KLF12: variants seen among roughly 807,000 people sequenced by gnomAD.
KLF12 encodes the protein KLF transcription factor 12.
KLF12 carries 9 observed loss-of-function variants against 37.8 expected under a neutral mutation model. The ratio of observed to expected loss-of-function variants is 0.24; its 90% confidence interval spans 0.14 to 0.42. The LOEUF (loss-of-function observed/expected upper bound fraction) is 0.42. Ranked by LOEUF, KLF12 falls within the 10% of genes least tolerant of loss-of-function variation. The probability of loss-of-function intolerance (pLI) is 1.00; values close to 1 mark genes in which losing one functional copy is unlikely to be tolerated. For missense variants in KLF12, 411 were observed against 516.0 expected, an observed-to-expected ratio of 0.80 and a Z score of 1.97; for synonymous variants, 208 against 202.1, an observed-to-expected ratio of 1.03 and a Z score of -0.25.
intron 7 of KLF12, among the ~76,000 whole-genome samples, chr13:73,704,085 C>G (rs1593979712): frequency 6.6e-6 from 1 of 152,100 alleles, no homozygotes; most frequent in Non-Finnish European, 1.5e-5. Context: ...TTACTTTTTC[C>G]TTGGTTTCTT....
intron 1 of KLF12, among the ~76,000 whole-genome samples, chr13:74,056,296 G>T (rs1448080821): frequency 6.6e-6 from 1 of 152,176 alleles, no homozygotes; most frequent in Non-Finnish European, 1.5e-5. Flanking sequence ...CAACATACAT[G>T]TAACCCAAAT....
At chr13:74,178,853 T>C in the KLF12 span, among the ~76,000 whole-genome samples, 1 of 152,172 alleles carries the variant, frequency 6.6e-6, no homozygotes, top group Non-Finnish European at 1.5e-5. Flanking sequence ...CTAGTAACCC[T>C]CTGGAAATAC....
rs1268510536 is a variant in KLF12 at position 74,045,751 on chromosome 13, C to A, written c.-31-50698G>T. On this transcript the variant is annotated intron_variant, in intron 1 of 7. Transcript: ENST00000377669. Reference sequence around the variant, plus strand: ...CGAGCTCCCACACTCCAAAGCTGTGCCCATTAGGGAAGCTGGCATGTCTGC... The same window carrying A: ...CGAGCTCCCACACTCCAAAGCTGTGACCATTAGGGAAGCTGGCATGTCTGC... Among the ~76,000 whole-genome samples, 6 of 152,236 alleles carry A rather than the reference C, an allele frequency of 3.9e-5. No homozygotes were observed. In the East Asian group the frequency reaches 9.7e-4, roughly 25 times the overall value.
chr13:74,077,824 T>C (rs1250952900), intron 1 of KLF12, among the ~76,000 whole-genome samples: 11 of 152,224 alleles, frequency 7.2e-5, no homozygotes, highest in Admixed American at 7.2e-4. Context: ...TCTGCCCAAT[T>C]TTCCTTGTAG....
the KLF12 span, among the ~76,000 whole-genome samples, chr13:74,301,854 C>A: frequency 1.3e-5 from 2 of 152,208 alleles, no homozygotes; most frequent in East Asian, 3.9e-4. Context: ...TTCATTTGTT[C>A]CCCCTACCTG....
chr13:73,966,327 T>C (rs1468987814), intron 2 of KLF12, among the ~76,000 whole-genome samples: 1 of 152,004 alleles, frequency 6.6e-6, no homozygotes, highest in Admixed American at 6.5e-5. Context: ...CTCTGTTTTC[T>C]GATGTTTCTC....
chr13:73,760,368 T>G (rs1879470089), intron 6 of KLF12, among the ~76,000 whole-genome samples: 1 of 152,180 alleles, frequency 6.6e-6, no homozygotes, highest in Non-Finnish European at 1.5e-5. Flanking sequence ...TTGCCCAGGC[T>G]GGAATGAGGT....
intron 1 of KLF12, among the ~76,000 whole-genome samples, chr13:74,106,053 T>G (rs1876633558): frequency 6.6e-6 from 1 of 152,138 alleles, no homozygotes; most frequent in Non-Finnish European, 1.5e-5. Context: ...TATACCACAT[T>G]AAGTGGGAAT....
intron 3 of KLF12, among the ~76,000 whole-genome samples, chr13:73,930,212 T>C (rs1030886369): frequency 2.0e-5 from 3 of 152,222 alleles, no homozygotes; most frequent in African/African-American, 7.2e-5. Flanking sequence ...AACTTGAATT[T>C]TTTCCCCACC....
chr13:74,174,258 A>G, the KLF12 span, among the ~76,000 whole-genome samples: 1 of 151,648 alleles, frequency 6.6e-6, no homozygotes, highest in South Asian at 2.1e-4. Context: ...GCTCAAATTT[A>G]TCTGCTGCTG....
chr13:73,696,228 T>C (rs141093984), intron 7 of KLF12, among the ~76,000 whole-genome samples: 159 of 152,282 alleles, frequency 1.0e-3, no homozygotes, highest in African/African-American at 3.4e-3. Flanking sequence ...TAGATATCTA[T>C]TTTTTGCTTG....
chr13:73,936,086 T>C (rs974761520), intron 3 of KLF12, among the ~76,000 whole-genome samples: 3 of 151,924 alleles, frequency 2.0e-5, no homozygotes, highest in African/African-American at 7.2e-5. Context: ...TATTTGTCAT[T>C]TCTGGATGTG....
intron 7 of KLF12, among the ~76,000 whole-genome samples, chr13:73,707,088 G>A (rs1394453104): frequency 2.0e-5 from 3 of 152,132 alleles, no homozygotes; most frequent in African/African-American, 4.8e-5. Context: ...ATAGGAGCAC[G>A]GTTCCAGTGA....
chr13:73,848,412 T>C (rs1885141777), intron 3 of KLF12, among the ~76,000 whole-genome samples: 1 of 151,962 alleles, frequency 6.6e-6, no homozygotes, highest in African/African-American at 2.4e-5. Context: ...ATTATCTTTG[T>C]TTATCACACA....
Position 73,953,481 on chromosome 13 carries a change from T to C in KLF12, c.34-9411A>G, listed in dbSNP as rs1461099012. Among the ~76,000 whole-genome samples, 3 of 152,212 alleles carry C rather than the reference T, an allele frequency of 2.0e-5. No homozygotes were observed. The South Asian group carries it at 6.2e-4, about 31-fold the overall frequency. ...TGAGTACTGTACATTAACATATTCA[T>C]TGGTCATTTCCCTTTATGAAAAGTT... On this transcript the variant is annotated intron_variant, in intron 2 of 7. Transcript: ENST00000377669.
intron 1 of KLF12, among the ~76,000 whole-genome samples, chr13:74,094,060 T>A (rs981812604): frequency 5.9e-5 from 9 of 152,086 alleles, no homozygotes; most frequent in Non-Finnish European, 1.2e-4. Context: ...GCTAAGTATA[T>A]AATTTTAAAG....
rs575570415 is a variant in KLF12, at chr13:74,022,915, T to G, written c.-31-27862A>C. Among the ~76,000 whole-genome samples the G allele has an allele frequency of 5.9e-5, 9 of 151,980 alleles. No individual in the cohort carries two copies. In the East Asian group the frequency reaches 1.4e-3, roughly 23 times the overall value. ...ATCACCGGGAGCTTCAAAACTCTCT[T>G]CGACCTAACTCTCTGCATCCCTAAC... On this transcript the variant is annotated intron_variant, in intron 1 of 7. Coordinates refer to ENST00000377669, the MANE Select transcript of KLF12 (RefSeq NM_007249.5).
chr13:74,287,373 AG>A, the KLF12 span, among the ~76,000 whole-genome samples: 94 of 151,458 alleles, frequency 6.2e-4, 1 homozygote, highest in African/African-American at 1.9e-3. Context: ...AGAGAGAGAG[AG>A]AGAGAGAGAG....
At chr13:73,827,292 G>A (rs894334923) in intron 4 of KLF12, among the ~76,000 whole-genome samples, 2 of 152,024 alleles carry the variant, frequency 1.3e-5, no homozygotes, top group African/African-American at 2.4e-5. Flanking sequence ...TGAGAATTAC[G>A]GGGTGCCCAT....
Sources: allele counts gnomAD v4.1 joint callset (sites outside exome capture counted in the v4.1 genomes callset), GRCh38; gene constraint gnomAD v4.1.1; transcripts MANE v1.5; gene names NCBI Gene and HGNC (gene_info 2026-07-23, HGNC 2026-07-21).